The following IKBKE variants were observed in gnomAD, a reference collection of about 807,000 sequenced individuals.
The protein encoded by IKBKE is inhibitor of nuclear factor kappa-B kinase subunit epsilon.
Under a neutral mutation model 92.1 loss-of-function variants are expected in IKBKE, and 45 were observed. The observed-to-expected ratio is 0.49, with a 90% CI of 0.38 to 0.63. The LOEUF is 0.63. Ranked by LOEUF, IKBKE falls within the 20% of genes least tolerant of loss-of-function variation. The pLI is 0.00. For missense variants in IKBKE, 700 were observed against 932.8 expected, an observed-to-expected ratio of 0.75 and a Z score of 3.25; for synonymous variants, 374 against 380.3, an observed-to-expected ratio of 0.98 and a Z score of 0.19.
chr1:206,487,808 G>C lies in IKBKE; in HGVS notation c.1617-106G>C. The stretch of plus-strand genomic sequence containing the variant: ...TCCCAGACTGATCCCCCAAAACTGT[G>C]GCTGTGAGGCTCCTCCCCTATTCCA... On this transcript the variant is annotated intron_variant, in intron 15 of 21. Transcript: ENST00000581977. The surrounding 1 kb of genome is among the most constrained non-coding windows in gnomAD (Gnocchi z 5.3). The C allele has an allele frequency of 1.2e-6, 1 of 828,898 alleles. No homozygotes were observed. Among genetic ancestry groups the C allele is most frequent in the African/African-American group, 1.7e-5 (1 of 59,576 alleles). 51.3% of individuals were successfully genotyped at this position (828,898 alleles called of 1,614,324 possible). A position where few individuals can be genotyped will look rare whatever the true frequency, so the allele number is the denominator to read the frequency against.
rs1214771573 is a variant in IKBKE, at chr1:206,496,469, C to G, written c.*324C>G. Reference sequence around the variant, plus strand: ...GGCTGGGCCGTGGGGAGAAGAAGCTCTCATACGCCTTCCCACTCCCTCTGG... The same window carrying G: ...GGCTGGGCCGTGGGGAGAAGAAGCTGTCATACGCCTTCCCACTCCCTCTGG... On this transcript the variant is annotated 3_prime_UTR_variant, in exon 22 of 22. Coordinates refer to ENST00000581977, the MANE Select transcript of IKBKE (RefSeq NM_014002.4). 2.6e-6 allele frequency: 1 copy of G among 389,070 alleles called. No individual in the cohort carries two copies. Among genetic ancestry groups the G allele is most frequent in the Non-Finnish European group, 4.7e-6 (1 of 212,154 alleles). The allele number at this position is 389,070 out of a possible 1,614,324, so 24.1% of individuals were successfully genotyped here.
chr1:206,493,336 T>C lies in IKBKE; in HGVS notation c.2003T>C (p.Ile668Thr), dbSNP rs1456914569. The C allele has an allele frequency of 3.1e-6, 5 of 1,613,852 alleles. No individual in the cohort carries two copies. The highest frequency in any genetic ancestry group is 1.7e-5 in the Admixed American group (1 of 59,996). Residue 668 changes from isoleucine (I) to threonine (T), a missense_variant, in exon 20 of 22, where the codon ATA becomes ACA. Coordinates refer to ENST00000581977, the MANE Select transcript of IKBKE (RefSeq NM_014002.4). ...AKGAQASPPP[I>T]APYPSPTRKD... ...GGGGCTCAGGCCTCGCCGCCTCCCA[T>C]AGCTCCTTACCCCAGCCCTACACGA...
chr1:206,473,968 A>AG (rs1553384494), intron 3 of IKBKE, among the ~76,000 whole-genome samples: 44 of 151,102 alleles, frequency 2.9e-4, no homozygotes, highest in Admixed American at 2.0e-4. Flanking sequence ...CTCAAAAAAA[A>AG]AAAAAAAAAA....
At position 206,493,096 on chromosome 1, in the gene IKBKE, G is replaced by A; in HGVS notation, c.1909G>A (p.Gly637Arg). 1.3e-6 allele frequency: 2 copies of A among 1,594,114 alleles called. No homozygotes were observed. The highest frequency in any genetic ancestry group is 1.1e-5 in the South Asian group (1 of 88,576). ...GGCTGCCTGTAACACAGAAGCCCAGGGGGTCCAGGAGAGTCTCAGCAAGGT... is the reference window on the plus strand; with the variant it reads ...GGCTGCCTGTAACACAGAAGCCCAGAGGGTCCAGGAGAGTCTCAGCAAGGT... ...SVAACNTEAQ[G>R]VQESLSKLLE... The change falls in exon 19 of 22, where the codon GGG becomes AGG. Residue 637 changes from glycine (G) to arginine (R), a missense_variant. Gly to Arg is a moderately radical substitution (Grantham distance 125). Transcript: ENST00000581977.
Position 206,474,897 on chromosome 1 carries a change from G to A in IKBKE, c.261G>A (p.Glu87=), listed in dbSNP as rs1460675283. 8 of 1,613,992 alleles carry A rather than the reference G, an allele frequency of 5.0e-6. No individual in the cohort carries two copies. Among genetic ancestry groups the A allele is most frequent in the Middle Eastern group, 3.3e-4 (2 of 6,084 alleles). Residue 87 remains glutamate (E), a synonymous_variant, in exon 5 of 22, where the codon GAG becomes GAA. Transcript: ENST00000581977. ...GGSRQKVLVM[E]YCSSGSLLSV... is the part of the protein sequence containing the mutation. ...GCCGGCAGAAGGTACTGGTGATGGA[G>A]TACTGCTCCAGTGGGAGCCTGCTGA...
intron 21 of IKBKE, among the ~76,000 whole-genome samples, chr1:206,495,331 C>T (rs1331171811): frequency 6.6e-6 from 1 of 152,198 alleles, no homozygotes; most frequent in African/African-American, 2.4e-5. Flanking sequence ...GTAATAATTT[C>T]TACCTCATGG....
At chr1:206,493,465 TTGGCGTCA>T in intron 20 of IKBKE, 87 bp downstream of exon 20, 1 of 1,022,408 alleles carries the variant, frequency 9.8e-7, no homozygotes, top group South Asian at 1.4e-5. Flanking sequence ...CCTGAGGGGT[TTGGCGTCA>T]TGCCAGGCCT....
rs549538401 is a variant in IKBKE, at chr1:206,474,337, G to T, written c.94G>T (p.Gly32Ter). The change falls in exon 4 of 22, where the codon GGA becomes TGA. Residue 32 changes from glycine to a stop codon, truncating the protein, a stop_gained. Transcript: ENST00000581977. LOFTEE classifies it high-confidence loss of function. ...GCTCCCTCCCCAATGGCAGAAATCC[G>T]GAGAGCTGGTTGCTGTGAAGGTCTT... ...SVYKARNKKS[G>*]ELVAVKVFNT... 1.2e-6 allele frequency: 2 copies of T among 1,612,538 alleles called. No homozygotes were observed. The highest frequency in any genetic ancestry group is 8.5e-7 in the Non-Finnish European group (1 of 1,179,016).
rs782775914 is a variant in IKBKE, at chr1:206,478,930, C to T, written c.993-13C>T. The stretch of plus-strand genomic sequence containing the variant: ...ACCCCCTGCCCTCTGCTCCCCACCA[C>T]GGCTGTGTCTAGGATAGCCATTTTC... On this transcript the variant is annotated splice_polypyrimidine_tract_variant and intron_variant, in intron 9 of 21. Coordinates refer to ENST00000581977, the MANE Select transcript of IKBKE (RefSeq NM_014002.4). This position sits in a 1 kb window ranked among gnomAD's most constrained non-coding sequence, Gnocchi z 4.8. The T allele has an allele frequency of 4.0e-5, 65 of 1,613,538 alleles. No homozygotes were observed. Among genetic ancestry groups the T allele is most frequent in the South Asian group, 1.6e-4 (15 of 91,078 alleles).
intron 18 of IKBKE, chr1:206,492,787 G>A (rs1553390880): frequency 1.6e-6 from 1 of 644,598 alleles, no homozygotes; most frequent in Admixed American, 2.1e-5. Flanking sequence ...CATGTTGTTG[G>A]TGCTCCACAC....
In IKBKE at chr1:206,476,554, A is replaced by G; in HGVS notation, c.541-124A>G. The G allele has an allele frequency of 8.0e-7, 1 of 1,250,004 alleles. No homozygotes were observed. The highest frequency in any genetic ancestry group is 2.2e-4 in the Middle Eastern group (1 of 4,516). 77.4% of individuals were successfully genotyped at this position (1,250,004 alleles called of 1,614,324 possible). A position where few individuals can be genotyped will look rare whatever the true frequency, so the allele number is the denominator to read the frequency against. ...AAAGGTGAGGCTGACACCCATTTTT[A>G]AGATGACAAAGAAGGATTTGAACAG... On this transcript the variant is annotated intron_variant, in intron 6 of 21. Transcript: ENST00000581977. The surrounding 1 kb of genome is among the most constrained non-coding windows in gnomAD (Gnocchi z 5.1).
chr1:206,477,295 T>C (rs74145695), intron 7 of IKBKE, among the ~76,000 whole-genome samples: 93 of 152,264 alleles, frequency 6.1e-4, no homozygotes, highest in African/African-American at 2.2e-3. Flanking sequence ...AGATGTCAGC[T>C]GGCTTAGTGG....
At position 206,490,658 on chromosome 1, in the gene IKBKE, T is replaced by C. The variant is rs782643959; in HGVS notation, c.1694-161T>C. ...TTGTCCTAATCAGCTATTCCGGTGCTAGCTTCACTCCTCTGCCCCTCCTGC... is the reference window on the plus strand; with the variant it reads ...TTGTCCTAATCAGCTATTCCGGTGCCAGCTTCACTCCTCTGCCCCTCCTGC... On this transcript the variant is annotated intron_variant, in intron 16 of 21. Coordinates refer to ENST00000581977, the MANE Select transcript of IKBKE (RefSeq NM_014002.4). This position sits in a 1 kb window ranked among gnomAD's most constrained non-coding sequence, Gnocchi z 5.2. Among the ~76,000 whole-genome samples, 8 of 152,270 alleles carry C rather than the reference T, an allele frequency of 5.3e-5. No homozygotes were observed. The highest frequency in any genetic ancestry group is 1.0e-4 in the Non-Finnish European group (7 of 68,046).
At chr1:206,473,051 C>A in intron 2 of IKBKE, 145 bp from the exon 3 acceptor site, 1 of 649,316 alleles carries the variant, frequency 1.5e-6, no homozygotes, top group Non-Finnish European at 2.8e-6. Context: ...TTCTGTGCTT[C>A]ACACTTCCCC....
chr1:206,495,992 G>A, intron 21 of IKBKE, 120 bp from the exon 22 acceptor site: 1 of 673,670 alleles, frequency 1.5e-6, no homozygotes, highest in Non-Finnish European at 2.6e-6. Context: ...GTGCTACAAG[G>A]GGAGAGCTGA....
chr1:206,479,206 G>C, intron 10 of IKBKE, 73 bp downstream of exon 10: 1 of 1,264,596 alleles, frequency 7.9e-7, no homozygotes, highest in Non-Finnish European at 1.1e-6. Context: ...TGCAATCCAG[G>C]CCATTGGTTA....
intron 18 of IKBKE, 145 bp downstream of exon 18, chr1:206,491,894 G>C (rs950849349): frequency 1.7e-6 from 1 of 604,520 alleles, no homozygotes; most frequent in Non-Finnish European, 3.0e-6. Context: ...CTGTCCCTGG[G>C]TGGACCAGGC....
intron 18 of IKBKE, chr1:206,491,952 C>T (rs1451524051): frequency 2.0e-6 from 1 of 494,002 alleles, no homozygotes; most frequent in Non-Finnish European, 3.7e-6. Context: ...TCCTACAACA[C>T]CTGCCCTATA....
At chr1:206,474,228 G>A (rs559497635) in intron 3 of IKBKE, 103 bp from the exon 4 acceptor site, 33 of 1,161,940 alleles carry the variant, frequency 2.8e-5, no homozygotes, top group East Asian at 4.8e-5. Context: ...TGGGCTGGCC[G>A]GAGAGGCTGA....
Sources: gnomAD v4.1 joint callset for allele counts (sites outside exome capture counted in the v4.1 genomes callset) on GRCh38, gnomAD v4.1.1 for gene constraint, Gnocchi (gnomAD v3.1) non-coding constraint, MANE v1.5 for transcripts, NCBI Gene and HGNC (gene_info 2026-07-23, HGNC 2026-07-21) for gene names.